LIMCH1: variants seen among roughly 807,000 people sequenced by gnomAD.
LIMCH1 encodes LIM and calponin homology domains 1.
LIMCH1 carries 113 observed loss-of-function variants against 176.5 expected under a neutral mutation model. The observed-to-expected ratio is 0.64, with a 90% CI of 0.55 to 0.75. LIMCH1 has a LOEUF of 0.75. Among genes scored for constraint, LIMCH1 ranks in the 30% least tolerant of loss-of-function variants. The pLI is 0.00. For synonymous variants in LIMCH1, 619 were observed against 645.9 expected (o/e 0.96, Z 0.63); for missense variants, 1,674 against 1,814.9 (o/e 0.92, Z 1.41).
intron 4 of LIMCH1, 90 bp downstream of exon 4, chr4:41,606,094 G>A: frequency 1.2e-6 from 1 of 863,822 alleles, no homozygotes. Flanking sequence ...TAGAGTACTG[G>A]GTTGTGGAAT....
At chr4:41,648,362 T>C (rs2094147568) in intron 17 of LIMCH1, among the ~76,000 whole-genome samples, 1 of 152,188 alleles carries the variant, frequency 6.6e-6, no homozygotes, top group Admixed American at 6.5e-5. Context: ...AACTCTGTTC[T>C]TCACCATGGC....
chr4:41,472,085 T>C (rs965968894), intron 1 of LIMCH1, among the ~76,000 whole-genome samples: 1 of 152,266 alleles, frequency 6.6e-6, no homozygotes, highest in Non-Finnish European at 1.5e-5. Context: ...TAGTGTTGTG[T>C]GGGTAGTATT....
chr4:41,578,841 A>G (rs1294624209), intron 1 of LIMCH1, among the ~76,000 whole-genome samples: 1 of 151,782 alleles, frequency 6.6e-6, no homozygotes, highest in African/African-American at 2.4e-5. Context: ...AGCTAGGATT[A>G]CAGGCATGCA....
At chr4:41,375,665 G>T (rs1165021188) in intron 1 of LIMCH1, among the ~76,000 whole-genome samples, 2 of 152,236 alleles carry the variant, frequency 1.3e-5, no homozygotes, top group African/African-American at 4.8e-5. Context: ...CAGGGGGTGT[G>T]CAGCTCTGTG....
chr4:41,460,165 C>T (rs11931707), intron 1 of LIMCH1, among the ~76,000 whole-genome samples: 29,056 of 151,882 alleles, frequency 0.19, 3,076 homozygotes, highest in African/African-American at 0.28. Flanking sequence ...TAAAAATCTG[C>T]ACAGTCAATA....
At chr4:41,527,799 G>A (rs1389812330) in intron 3 of LIMCH1, among the ~76,000 whole-genome samples, 1 of 146,830 alleles carries the variant, frequency 6.8e-6, no homozygotes, top group Non-Finnish European at 1.5e-5. Context: ...CTCCAGCCTG[G>A]GCGACAGAGC....
intron 18 of LIMCH1, among the ~76,000 whole-genome samples, chr4:41,652,083 A>G (rs906915593): frequency 6.6e-6 from 1 of 152,336 alleles, no homozygotes; most frequent in South Asian, 2.1e-4. Context: ...GGGAAAAACT[A>G]TCAAGATATT....
At chr4:41,688,050 C>T (rs1722335975) in intron 29 of LIMCH1, 133 bp downstream of exon 29, 2 of 648,738 alleles carry the variant, frequency 3.1e-6, no homozygotes, top group Admixed American at 5.1e-5. Context: ...CCTACACACA[C>T]ACAGAGGCAA....
intron 3 of LIMCH1, among the ~76,000 whole-genome samples, chr4:41,529,507 A>G (rs1184974654): frequency 6.6e-6 from 1 of 152,216 alleles, no homozygotes; most frequent in Non-Finnish European, 1.5e-5. Flanking sequence ...TCTTAGATGT[A>G]TCTTAGAAGG....
At chr4:41,516,772 T>C (rs377572736) in intron 2 of LIMCH1, among the ~76,000 whole-genome samples, 6 of 152,116 alleles carry the variant, frequency 3.9e-5, no homozygotes, top group African/African-American at 1.4e-4. Flanking sequence ...CCCTAGAAAA[T>C]GTGGGAAAAT....
Position 41,682,380 on chromosome 4 carries a change from A to G in LIMCH1, c.3765A>G (p.Arg1255=). 5.0e-6 allele frequency: 8 copies of G among 1,612,882 alleles called. No individual in the cohort carries two copies. The highest frequency in any genetic ancestry group is 1.7e-4 in the Middle Eastern group (1 of 6,048). ...GNCQDEKQDR[R]WKKSFQGDDS... ...GTCAAGATGAAAAACAAGACAGAAG[A>G]TGGAAGAAATCATTCCAGGGAGATG... The change falls in exon 26 of 32, where the codon AGA becomes AGG. Residue 1255 remains arginine, a synonymous_variant. Transcript: ENST00000503057.
chr4:41,612,052 G>A (rs979069559), intron 4 of LIMCH1, among the ~76,000 whole-genome samples: 1 of 152,164 alleles, frequency 6.6e-6, no homozygotes, highest in Admixed American at 6.5e-5. Flanking sequence ...TTGACAACCT[G>A]TTCTTCAGGG....
chr4:41,621,708 G>T (rs984545436), intron 7 of LIMCH1, among the ~76,000 whole-genome samples: 1 of 151,940 alleles, frequency 6.6e-6, no homozygotes, highest in Non-Finnish European at 1.5e-5. Context: ...TACCAGGTTG[G>T]CCAGGCTAGT....
intron 2 of LIMCH1, 75 bp from the exon 3 acceptor site, chr4:41,603,800 A>C: frequency 2.1e-6 from 2 of 952,202 alleles, no homozygotes; most frequent in Non-Finnish European, 3.4e-6. Context: ...AGTACATCTT[A>C]GTGGCATTTA....
rs186200799 is a variant in LIMCH1 at position 41,379,675 on chromosome 4, A to G, written c.96+18739A>G. ...TCATGTTTTATATATAAGGGATTCA[A>G]TATTAGATATTCTGATACTAAGTCA... On this transcript the variant is annotated intron_variant, in intron 1 of 26. Coordinates refer to the LIMCH1 transcript ENST00000313860. Among the ~76,000 whole-genome samples, 279 of 152,380 alleles carry G rather than the reference A, an allele frequency of 1.8e-3. 2 individuals carry two copies. The highest frequency in any genetic ancestry group is 3.4e-3 in the Non-Finnish European group (234 of 68,030).
intron 1 of LIMCH1, among the ~76,000 whole-genome samples, chr4:41,366,326 A>G (rs1355757032): frequency 6.6e-6 from 1 of 152,186 alleles, no homozygotes; most frequent in East Asian, 1.9e-4. Flanking sequence ...TCAGGACAGA[A>G]TCAGTTAACA....
At chr4:41,668,390 T>G (rs1035654270) in intron 21 of LIMCH1, among the ~76,000 whole-genome samples, 1 of 152,236 alleles carries the variant, frequency 6.6e-6, no homozygotes, top group African/African-American at 2.4e-5. Context: ...AATGGCCATA[T>G]TTGGACCAAT....
intron 1 of LIMCH1, among the ~76,000 whole-genome samples, chr4:41,425,473 G>C (rs1384552891): frequency 6.6e-6 from 1 of 151,950 alleles, no homozygotes; most frequent in African/African-American, 2.4e-5. Context: ...CAGCCTCCCA[G>C]GTAGCTGAGA....
chr4:41,431,140 G>C (rs1426096628), intron 1 of LIMCH1, among the ~76,000 whole-genome samples: 1 of 152,128 alleles, frequency 6.6e-6, no homozygotes. Context: ...CTTCCTAGTG[G>C]GTTATGGGTT....
Sources: gnomAD v4.1 joint callset for allele counts (sites outside exome capture counted in the v4.1 genomes callset) on GRCh38, gnomAD v4.1.1 for gene constraint, MANE v1.5 for transcripts, NCBI Gene and HGNC (gene_info 2026-07-23, HGNC 2026-07-21) for gene names.